The following ALOX12 variants were observed in gnomAD, a reference collection of about 807,000 sequenced individuals.
ALOX12 encodes the protein polyunsaturated fatty acid lipoxygenase ALOX12.
A neutral mutation model predicts 85.5 loss-of-function variants in ALOX12; 62 were observed. That is an observed-to-expected ratio of 0.73 (90% confidence interval 0.59 to 0.90). The LOEUF (loss-of-function observed/expected upper bound fraction) is 0.90, where lower values mean the gene tolerates loss of function less well. Among genes scored for constraint, ALOX12 ranks in the 40% least tolerant of loss-of-function variants. ALOX12 has a pLI of 0.00. For synonymous variants in ALOX12, 299 were observed against 332.7 expected, an observed-to-expected ratio of 0.90 and a Z score of 1.10; for missense variants, 751 against 856.5, an observed-to-expected ratio of 0.88 and a Z score of 1.54.
chr17:7,009,000 C>A (rs1909237188), intron 11 of ALOX12, among the ~76,000 whole-genome samples: 1 of 151,966 alleles, frequency 6.6e-6, no homozygotes, highest in Admixed American at 6.6e-5. Context: ...AATCCTCCTG[C>A]CTTGGCCTCC....
At chr17:6,997,110 A>G in intron 2 of ALOX12, 83 bp downstream of exon 2, 1 of 1,462,134 alleles carries the variant, frequency 6.8e-7, no homozygotes, top group Admixed American at 2.3e-5. Flanking sequence ...GGACGGTCGG[A>G]GCAGACTTAG....
At chr17:7,002,473 G>T (rs1261543143) in intron 8 of ALOX12, 1 of 469,154 alleles carries the variant, frequency 2.1e-6, no homozygotes, top group Non-Finnish European at 4.4e-6. Context: ...GGGCAGGTGT[G>T]TTATACTGAC....
chr17:6,999,484 G>T lies in ALOX12; in HGVS notation c.807+18G>T. On this transcript the variant is annotated intron_variant, in intron 6 of 13. Transcript: ENST00000251535. ...AACTTCAGGTACCTCTCCTTCCCCT[G>T]CCTGGCACTGTTCTCTCCTTAGTAG... is the stretch of plus-strand genomic sequence containing the variant. 1 of 1,612,896 alleles carries T rather than the reference G, an allele frequency of 6.2e-7. No homozygotes were observed. The highest frequency in any genetic ancestry group is 8.5e-7 in the Non-Finnish European group (1 of 1,179,024).
At position 7,010,393 on chromosome 17, in the gene ALOX12, C is replaced by T. The variant is rs1411928452; in HGVS notation, c.1962C>T (p.Pro654=). The T allele has an allele frequency of 1.2e-6, 2 of 1,614,054 alleles. No homozygotes were observed. Among genetic ancestry groups the T allele is most frequent in the East Asian group, 2.2e-5 (1 of 44,896 alleles). ...QLDWPYEYLK[P]SCIENSVTI ...ACTGGCCCTATGAATATCTGAAGCC[C>T]AGCTGCATAGAGAACAGTGTCACCA... Residue 654 remains proline, a synonymous_variant, in exon 14 of 14, where the codon CCC becomes CCT. Coordinates refer to ENST00000251535, the MANE Select transcript of ALOX12 (RefSeq NM_000697.3).
chr17:7,001,977 T>C (rs1908735825), intron 8 of ALOX12, 166 bp downstream of exon 8: 2 of 637,280 alleles, frequency 3.1e-6, no homozygotes, highest in Non-Finnish European at 5.4e-6. Context: ...TTATTAAGTT[T>C]AGTCACTTAA....
chr17:7,006,236 G>C (rs1202203166), intron 10 of ALOX12, among the ~76,000 whole-genome samples: 5 of 151,614 alleles, frequency 3.3e-5, no homozygotes, highest in Non-Finnish European at 5.9e-5. Flanking sequence ...GGGAGCTGTG[G>C]GGGGAGACTG....
Position 7,000,650 on chromosome 17 carries a change from A to T in ALOX12, c.951+171A>T, listed in dbSNP as rs1215408953. Among the ~76,000 whole-genome samples the T allele has an allele frequency of 1.3e-5, 2 of 152,150 alleles. No individual in the cohort carries two copies. Among genetic ancestry groups the T allele is most frequent in the Non-Finnish European group, 2.9e-5 (2 of 68,026 alleles). On this transcript the variant is annotated intron_variant, in intron 7 of 13. Transcript: ENST00000251535. The surrounding 1 kb of genome is among the most constrained non-coding windows in gnomAD (Gnocchi z 4.6). Reference sequence around the variant, plus strand: ...GTCTCCCCTGCCTCATCCAACTAGAATTACTTTTTCAAGAGTCAAAATGGC... The same window carrying T: ...GTCTCCCCTGCCTCATCCAACTAGATTTACTTTTTCAAGAGTCAAAATGGC...
intron 9 of ALOX12, 131 bp downstream of exon 9, chr17:7,005,474 C>CTTTTTTTTTTTTTTT (rs35201122): frequency 1.0e-5 from 2 of 199,048 alleles, no homozygotes; most frequent in African/African-American, 9.0e-5. Context: ...ATACCCATGT[C>CTTTTTTTTTTTTTTT]TTTTTTTTTT....
intron 10 of ALOX12, 128 bp from the exon 11 acceptor site, chr17:7,006,358 C>A: frequency 7.1e-7 from 1 of 1,405,362 alleles, no homozygotes; most frequent in Non-Finnish European, 9.7e-7. Flanking sequence ...GTTTAGAGGG[C>A]TGAGGATGTC....
chr17:7,001,688 G>A lies in ALOX12; in HGVS notation c.1038G>A (p.Trp346Ter). 1 of 1,614,094 alleles carries A rather than the reference G, an allele frequency of 6.2e-7. No individual in the cohort carries two copies. The highest frequency in any genetic ancestry group is 8.5e-7 in the Non-Finnish European group (1 of 1,180,036). Residue 346 changes from tryptophan to a stop codon, truncating the protein, a stop_gained, in exon 8 of 14, where the codon TGG (tryptophan) becomes TGA (stop). Transcript: ENST00000251535. LOFTEE classifies it high-confidence loss of function. ...TTGCCTGGCTCCTGGCAAAGTCCTG[G>A]GTCCGAAATTCAGATTTCCAACTGC... ...PPLAWLLAKS[W>*]VRNSDFQLHE... is the part of the protein sequence containing the mutation.
chr17:7,000,397 G>T lies in ALOX12; in HGVS notation c.869G>T (p.Arg290Leu), dbSNP rs149957595. Reference sequence around the variant, plus strand: ...GATGGAATTCCAGCCAACGTGATCCGAGGAGAGAAGCAATACCTGGCTGCC... The same window carrying T: ...GATGGAATTCCAGCCAACGTGATCCTAGGAGAGAAGCAATACCTGGCTGCC... Reference protein sequence around the residue: ...LLDGIPANVIRGEKQYLAAPL... With the variant: ...LLDGIPANVILGEKQYLAAPL... Residue 290 changes from arginine to leucine, a missense_variant, in exon 7 of 14, where the codon CGA (arginine) becomes CTA (leucine). Coordinates refer to ENST00000251535, the MANE Select transcript of ALOX12 (RefSeq NM_000697.3). This position sits in a 1 kb window ranked among gnomAD's most constrained non-coding sequence, Gnocchi z 4.6. The T allele has an allele frequency of 1.2e-6, 2 of 1,614,156 alleles. No individual in the cohort carries two copies. The highest frequency in any genetic ancestry group is 1.3e-5 in the African/African-American group (1 of 75,030).
In ALOX12 at chr17:7,006,005, C is replaced by T. The variant is rs777675381; in HGVS notation, c.1396C>T (p.Arg466Trp). ...TGCTCTCTATGCCCATGATGCTTTA[C>T]GGCTCTGGGAGATCATTGCCAGGTG... ...PGALYAHDALRLWEIIARYVE... is the reference protein window; with the variant it reads ...PGALYAHDALWLWEIIARYVE... Residue 466 changes from arginine (R) to tryptophan (W), a missense_variant, in exon 10 of 14, where the codon CGG (arginine) becomes TGG (tryptophan). Physicochemically the swap from Arg to Trp is moderately radical, Grantham distance 101. Coordinates refer to ENST00000251535, the MANE Select transcript of ALOX12 (RefSeq NM_000697.3). 57 of 1,553,056 alleles carry T rather than the reference C, an allele frequency of 3.7e-5. No individual in the cohort carries two copies. The highest frequency in any genetic ancestry group is 4.4e-5 in the South Asian group (4 of 89,956).
intron 9 of ALOX12, 91 bp downstream of exon 9, chr17:7,005,434 T>A: frequency 2.2e-6 from 2 of 927,156 alleles, no homozygotes; most frequent in Non-Finnish European, 3.4e-6. Context: ...GTGAATGTCC[T>A]CACTCTTAAC....
At chr17:7,004,935 A>G (rs1377582050) in intron 8 of ALOX12, among the ~76,000 whole-genome samples, 1 of 152,226 alleles carries the variant, frequency 6.6e-6, no homozygotes, top group African/African-American at 2.4e-5. Context: ...CACTTAGGTG[A>G]GCATCACCAC....
chr17:7,007,782 G>A (rs1909159715), intron 11 of ALOX12, among the ~76,000 whole-genome samples: 1 of 152,166 alleles, frequency 6.6e-6, no homozygotes, highest in Admixed American at 6.5e-5. Context: ...TCGGGAGGCT[G>A]AGGCAGGAGA....
rs1364468834 is a variant in ALOX12 at position 7,000,420 on chromosome 17, GC to G, written c.898del (p.Leu300SerfsTer4). On this transcript the variant is annotated frameshift_variant, in exon 7 of 14. Coordinates refer to ENST00000251535, the MANE Select transcript of ALOX12 (RefSeq NM_000697.3). LOFTEE classifies it high-confidence loss of function. This position sits in a 1 kb window ranked among gnomAD's most constrained non-coding sequence, Gnocchi z 4.6. ...CCGAGGAGAGAAGCAATACCTGGCT[GC>G]CCCCCTCGTTATGCTGAAGATGGAG... The part of the protein sequence containing the change: ...VIRGEKQYLA[A>X]PLVMLKMEPN... 3 of 1,614,094 alleles carry G rather than the reference GC, an allele frequency of 1.9e-6. No individual in the cohort carries two copies. Among genetic ancestry groups the G allele is most frequent in the Non-Finnish European group, 2.5e-6 (3 of 1,180,030 alleles).
At position 7,000,342 on chromosome 17, in the gene ALOX12, TC is replaced by T; in HGVS notation, c.817del (p.Leu273CysfsTer16). ...AQLEKELQNG[S>X]LFEADFILLD... Reference sequence around the variant, plus strand: ...ACATCCCTCCTGTCCCCAGAATGGTTCCCTGTTTGAAGCTGACTTCATCCTT... The same window carrying T: ...ACATCCCTCCTGTCCCCAGAATGGTTCCTGTTTGAAGCTGACTTCATCCTT... On this transcript the variant is annotated frameshift_variant, in exon 7 of 14. Coordinates refer to ENST00000251535, the MANE Select transcript of ALOX12 (RefSeq NM_000697.3). LOFTEE classifies it high-confidence loss of function. The surrounding 1 kb of genome is among the most constrained non-coding windows in gnomAD (Gnocchi z 4.6). The T allele has an allele frequency of 6.2e-7, 1 of 1,614,110 alleles. No homozygotes were observed. The highest frequency in any genetic ancestry group is 8.5e-7 in the Non-Finnish European group (1 of 1,180,006).
chr17:7,002,376 A>C, intron 8 of ALOX12: 1 of 409,986 alleles, frequency 2.4e-6, no homozygotes, highest in South Asian at 1.8e-5. Flanking sequence ...AACGTAGTGA[A>C]GGGAGGAAAT....
chr17:6,998,997 C>T lies in ALOX12; in HGVS notation c.587C>T (p.Ser196Phe). The T allele has an allele frequency of 6.2e-7, 1 of 1,614,056 alleles. No individual in the cohort carries two copies. Among genetic ancestry groups the T allele is most frequent in the Middle Eastern group, 1.7e-4 (1 of 6,042 alleles). The change falls in exon 5 of 14, where the codon TCC (serine) becomes TTC (phenylalanine). Residue 196 changes from serine to phenylalanine, a missense_variant. Transcript: ENST00000251535. ...ALKRVYTLLSSWNCLEDFDQI... is the reference protein window; with the variant it reads ...ALKRVYTLLSFWNCLEDFDQI... ...AAACGTGTTTACACCCTCCTGAGCT[C>T]CTGGAACTGCCTAGAAGACTTTGAT...
Sources: allele counts gnomAD v4.1 joint callset (sites outside exome capture counted in the v4.1 genomes callset), GRCh38; gene constraint gnomAD v4.1.1; non-coding constraint Gnocchi (gnomAD v3.1); transcripts MANE v1.5; gene names NCBI Gene and HGNC (gene_info 2026-07-23, HGNC 2026-07-21).